The following SHC4 variants were observed in gnomAD, a reference collection of about 807,000 sequenced individuals.
SHC4 encodes the protein SHC-transforming protein 4.
SHC4 carries 41 observed loss-of-function variants against 69.4 expected under a neutral mutation model. That is an observed-to-expected ratio of 0.59 (90% CI 0.46 to 0.77). SHC4 has a LOEUF of 0.77. Ranked by LOEUF, SHC4 falls within the 30% of genes least tolerant of loss-of-function variation. The pLI is 0.00. For synonymous variants in SHC4, 318 were observed against 299.3 expected, an observed-to-expected ratio of 1.06 and a Z score of -0.64; for missense variants, 777 against 783.8, an observed-to-expected ratio of 0.99 and a Z score of 0.10.
chr15:48,871,909 A>G, intron 5 of SHC4, 180 bp downstream of exon 5: 1 of 500,146 alleles, frequency 2.0e-6, no homozygotes, highest in Non-Finnish European at 3.6e-6. Context: ...GTTTGCCTAA[A>G]GAAAATATTT....
chr15:48,910,265 T>G (rs1300310322), intron 2 of SHC4, among the ~76,000 whole-genome samples: 1 of 152,106 alleles, frequency 6.6e-6, no homozygotes, highest in African/African-American at 2.4e-5. Flanking sequence ...TCGGGGTATC[T>G]AATTCTTCCT....
intron 10 of SHC4, among the ~76,000 whole-genome samples, chr15:48,836,348 A>G (rs1898898248): frequency 6.6e-6 from 1 of 152,186 alleles, no homozygotes; most frequent in South Asian, 2.1e-4. Context: ...TTTTAGTAGA[A>G]TCTAGCCACT....
chr15:48,921,453 G>A (rs1431790641), intron 2 of SHC4, among the ~76,000 whole-genome samples: 4 of 151,740 alleles, frequency 2.6e-5, no homozygotes, highest in Non-Finnish European at 4.4e-5. Context: ...TCCTGCCTCA[G>A]CCTCCCAAGT....
intron 2 of SHC4, among the ~76,000 whole-genome samples, chr15:48,905,801 T>A (rs1261918861): frequency 6.6e-6 from 1 of 152,262 alleles, no homozygotes; most frequent in Admixed American, 6.5e-5. Context: ...ATATAACTAT[T>A]CTTGCTTAGG....
intron 1 of SHC4, among the ~76,000 whole-genome samples, chr15:48,937,050 TG>T (rs1441738706): frequency 6.6e-6 from 1 of 152,222 alleles, no homozygotes; most frequent in Admixed American, 6.5e-5. Context: ...ACCAATGTGT[TG>T]GGAGCCACAA....
chr15:48,863,628 C>T (rs957782302), intron 6 of SHC4, among the ~76,000 whole-genome samples: 1 of 152,140 alleles, frequency 6.6e-6, no homozygotes, highest in Non-Finnish European at 1.5e-5. Flanking sequence ...TCAAATTGCT[C>T]TTTAAAATGT....
At chr15:48,859,306 G>GGT (rs58641880) in intron 6 of SHC4, among the ~76,000 whole-genome samples, 11,784 of 145,830 alleles carry the variant, frequency 0.081, 473 homozygotes, top group African/African-American at 0.099. Context: ...ATTTGAAAGG[G>GGT]GTGTGTGTGT....
intron 4 of SHC4, among the ~76,000 whole-genome samples, chr15:48,874,205 A>T (rs1485434302): frequency 6.6e-6 from 1 of 152,194 alleles, no homozygotes; most frequent in Non-Finnish European, 1.5e-5. Context: ...TCAAACAGCA[A>T]GATATAAAAC....
intron 1 of SHC4, among the ~76,000 whole-genome samples, chr15:48,940,051 G>A (rs1261631503): frequency 6.6e-6 from 1 of 152,208 alleles, no homozygotes; most frequent in Non-Finnish European, 1.5e-5. Flanking sequence ...TGCTGACAAG[G>A]TTGCTCTAGG....
chr15:48,956,064 G>A (rs545277190), intron 1 of SHC4, among the ~76,000 whole-genome samples: 8 of 152,124 alleles, frequency 5.3e-5, no homozygotes, highest in African/African-American at 9.7e-5. Context: ...GAAGAACAGG[G>A]GAACGGGTCA....
chr15:48,850,763 C>T (rs942812785), intron 9 of SHC4, among the ~76,000 whole-genome samples: 2 of 152,222 alleles, frequency 1.3e-5, no homozygotes, highest in African/African-American at 4.8e-5. Context: ...ACATTTCAGA[C>T]ATCCTTTCGT....
intron 2 of SHC4, among the ~76,000 whole-genome samples, chr15:48,916,936 G>A (rs755378613): frequency 6.6e-6 from 1 of 152,220 alleles, no homozygotes; most frequent in Admixed American, 6.5e-5. Flanking sequence ...TGCCAATGGT[G>A]TGCTCCGCCC....
Position 48,962,674 on chromosome 15 carries a change from C to A in SHC4, c.342G>T (p.Val114=), listed in dbSNP as rs1362539454. 3 of 1,614,100 alleles carry A rather than the reference C, an allele frequency of 1.9e-6. No homozygotes were observed. The highest frequency in any genetic ancestry group is 1.1e-5 in the South Asian group (1 of 91,092). Residue 114 remains valine (V), a synonymous_variant, in exon 1 of 12, where the codon GTG becomes GTT. Transcript: ENST00000332408. ...GGCTTTCCTGGAGCTTCAGCCGAGG[C>A]ACCTCTTTGGTACCCAGGCAAAAGT... ...LKNFCLGTKE[V]PRLKLQESRD...
intron 2 of SHC4, among the ~76,000 whole-genome samples, chr15:48,900,413 A>G (rs936874616): frequency 1.8e-4 from 28 of 152,014 alleles, no homozygotes; most frequent in African/African-American, 6.5e-4. Context: ...AGGCTGAGGC[A>G]GGAGAATCTC....
chr15:48,838,561 A>C (rs941318124), intron 10 of SHC4, among the ~76,000 whole-genome samples: 5 of 152,234 alleles, frequency 3.3e-5, no homozygotes, highest in Non-Finnish European at 5.9e-5. Flanking sequence ...TTAAGCATAA[A>C]TGAGAGAGAG....
rs116024706 is a variant in SHC4 at position 48,941,048 on chromosome 15, T to C, written c.586-16099A>G. 5.1e-3 allele frequency among the ~76,000 whole-genome samples: 781 copies of C among 152,278 alleles called. 6 individuals carry two copies. The highest frequency in any genetic ancestry group is 0.018 in the African/African-American group (760 of 41,548). On this transcript the variant is annotated intron_variant, in intron 1 of 11. Transcript: ENST00000332408. ...AAGCACACCAGGGCTCGAAGGGACC[T>C]TAGAGATGATCCATTCCAACTCCTC...
chr15:48,874,061 A>G (rs1899747042), intron 4 of SHC4, among the ~76,000 whole-genome samples: 1 of 152,220 alleles, frequency 6.6e-6, no homozygotes, highest in African/African-American at 2.4e-5. Flanking sequence ...GAACAAATGC[A>G]TAAGAATTCC....
At chr15:48,907,513 G>C (rs757523731) in intron 2 of SHC4, among the ~76,000 whole-genome samples, 6 of 151,782 alleles carry the variant, frequency 4.0e-5, no homozygotes, top group Non-Finnish European at 8.8e-5. Context: ...CTCATCACCC[G>C]AGCAGTATAC....
At chr15:48,833,500 C>T (rs1289706949) in intron 11 of SHC4, among the ~76,000 whole-genome samples, 1 of 152,180 alleles carries the variant, frequency 6.6e-6, no homozygotes, top group Non-Finnish European at 1.5e-5. Context: ...ATTCTGGACA[C>T]ACTTCACTCC....
Sources: allele counts gnomAD v4.1 joint callset (sites outside exome capture counted in the v4.1 genomes callset), GRCh38; gene constraint gnomAD v4.1.1; transcripts MANE v1.5; gene names NCBI Gene and HGNC (gene_info 2026-07-23, HGNC 2026-07-21).